Variants in TBC1D5 observed in about 807,000 individuals in gnomAD.
The protein encoded by TBC1D5 is TBC1 domain family, member 5.
In TBC1D5, 75 loss-of-function variants were observed where a neutral mutation model predicts 100.3. The observed-to-expected ratio is 0.75, with a 90% CI of 0.62 to 0.91. TBC1D5 has a LOEUF of 0.91. TBC1D5 is among the 40% of genes least tolerant of loss of function. The pLI is 0.00. For synonymous variants in TBC1D5, 323 were observed against 325.6 expected (o/e 0.99, Z 0.09); for missense variants, 910 against 942.4 (o/e 0.97, Z 0.45).
chr3:17,167,633 G>T, intron 20 of TBC1D5, 116 bp downstream of exon 21: 1 of 855,054 alleles, frequency 1.2e-6, no homozygotes, highest in Non-Finnish European at 1.9e-6. Flanking sequence ...GCTCTGTCTG[G>T]GAGGAAATGA....
At chr3:17,184,495 T>C (rs1021547653) in intron 19 of TBC1D5, 5 of 152,116 alleles carry the variant, frequency 3.3e-5, no homozygotes, top group Non-Finnish European at 4.4e-5. Context: ...GGAGTTGAGA[T>C]TTGTAGTCAG....
At chr3:17,361,080 T>G (rs565657164) in intron 13 of TBC1D5, among the ~76,000 whole-genome samples, 1 of 152,144 alleles carries the variant, frequency 6.6e-6, no homozygotes, top group South Asian at 2.1e-4. Context: ...ATATTGGAAA[T>G]CATTGGTTTC....
chr3:17,672,462 G>A (rs1379629696), intron 1 of TBC1D5: 1 of 152,094 alleles, frequency 6.6e-6, no homozygotes, highest in Non-Finnish European at 1.5e-5. Flanking sequence ...CGTTGCTGTG[G>A]CAAAATAAAC....
rs182934030 is a variant in TBC1D5 at position 17,550,554 on chromosome 3, A to C, written c.-35-41949T>G. Among the ~76,000 whole-genome samples, 298 of 152,204 alleles carry C rather than the reference A, an allele frequency of 2.0e-3. 4 individuals carry two copies. Among genetic ancestry groups the C allele is most frequent in the South Asian group, 0.019 (90 of 4,826 alleles). On this transcript the variant is annotated intron_variant, in intron 2 of 21. Transcript: ENST00000253692. ...TTAAAAACAACAACAACAACAAAAAAAAAAAACACCACAGAAGGTCTTCTT... is the reference window on the plus strand; with the variant it reads ...TTAAAAACAACAACAACAACAAAAACAAAAAACACCACAGAAGGTCTTCTT...
At chr3:17,363,460 T>A (rs950950301) in intron 13 of TBC1D5, among the ~76,000 whole-genome samples, 1 of 152,016 alleles carries the variant, frequency 6.6e-6, no homozygotes, top group Non-Finnish European at 1.5e-5. Flanking sequence ...TCCTTTTTTT[T>A]TATTTTTTTA....
At chr3:17,544,322 T>C (rs748459353) in intron 2 of TBC1D5, among the ~76,000 whole-genome samples, 8 of 152,200 alleles carry the variant, frequency 5.3e-5, no homozygotes, top group Non-Finnish European at 1.2e-4. Flanking sequence ...AATTTGATTA[T>C]CAATAATATT....
chr3:17,677,092 G>A (rs2153800970), intron 1 of TBC1D5, among the ~76,000 whole-genome samples: 1 of 152,238 alleles, frequency 6.6e-6, no homozygotes, highest in South Asian at 2.1e-4. Context: ...ATAGGCATGG[G>A]CAAGGACTTC....
chr3:17,515,465 T>A (rs551003184), intron 2 of TBC1D5, among the ~76,000 whole-genome samples: 15 of 152,270 alleles, frequency 9.9e-5, no homozygotes, highest in South Asian at 2.1e-4. Flanking sequence ...ACTATACATA[T>A]TAACTTATTT....
At chr3:17,353,090 A>G (rs892415795) in intron 13 of TBC1D5, among the ~76,000 whole-genome samples, 1 of 152,104 alleles carries the variant, frequency 6.6e-6, no homozygotes, top group Non-Finnish European at 1.5e-5. Flanking sequence ...CAACACAGAC[A>G]TATCATTATT....
At chr3:17,459,628 C>G (rs552713383) in intron 3 of TBC1D5, among the ~76,000 whole-genome samples, 12 of 152,146 alleles carry the variant, frequency 7.9e-5, no homozygotes, top group Non-Finnish European at 1.5e-4. Flanking sequence ...CTGGATGCAG[C>G]AGCGCTCACT....
At chr3:17,461,140 G>A (rs905756287) in intron 3 of TBC1D5, among the ~76,000 whole-genome samples, 1 of 152,142 alleles carries the variant, frequency 6.6e-6, no homozygotes. Flanking sequence ...CACAGTATAT[G>A]ACAAGTCAGT....
intron 13 of TBC1D5, among the ~76,000 whole-genome samples, chr3:17,344,109 A>G (rs113269126): frequency 3.9e-5 from 6 of 152,294 alleles, no homozygotes; most frequent in African/African-American, 1.4e-4. Flanking sequence ...ATTTAGTGCT[A>G]TAAATTTCCC....
chr3:17,681,133 A>C (rs947180335), intron 1 of TBC1D5, among the ~76,000 whole-genome samples: 2 of 151,662 alleles, frequency 1.3e-5, no homozygotes, highest in Non-Finnish European at 2.9e-5. Flanking sequence ...TATTACTCTT[A>C]GAACTATAGT....
intron 13 of TBC1D5, among the ~76,000 whole-genome samples, chr3:17,321,855 C>T (rs983120984): frequency 6.6e-6 from 1 of 152,198 alleles, no homozygotes; most frequent in Non-Finnish European, 1.5e-5. Flanking sequence ...TTTAAACATT[C>T]TATGGATACA....
chr3:17,706,373 A>AT, intron 1 of TBC1D5: 1 of 1,152,592 alleles, frequency 8.7e-7, no homozygotes, highest in East Asian at 2.6e-5. Context: ...AGCTAATCTA[A>AT]TAAATTCCTA....
chr3:17,699,551 A>C (rs1235655847), intron 1 of TBC1D5, among the ~76,000 whole-genome samples: 1 of 99,110 alleles, frequency 1.0e-5, no homozygotes, highest in Non-Finnish European at 2.1e-5. Context: ...AATAATAATA[A>C]ATAGATTTTT....
At position 17,423,106 on chromosome 3, in the gene TBC1D5, C is replaced by T. The variant is rs2094253745; in HGVS notation, c.167+5344G>A. On this transcript the variant is annotated intron_variant, in intron 4 of 21. Transcript: ENST00000253692. ...ATACTATACTGAGAAAGGGAGGCTA[C>T]TTTGGAAGCTCTGATAAATATCAAG... Among the ~76,000 whole-genome samples the T allele has an allele frequency of 2.6e-5, 4 of 152,190 alleles. 2 individuals carry two copies. In the South Asian group the frequency reaches 8.3e-4, roughly 31 times the overall value.
intron 14 of TBC1D5, among the ~76,000 whole-genome samples, chr3:17,301,575 A>G (rs2082840853): frequency 6.6e-6 from 1 of 152,240 alleles, no homozygotes; most frequent in African/African-American, 2.4e-5. Flanking sequence ...TCTGGTACCA[A>G]GGAAGCTCAC....
chr3:17,548,764 A>G (rs1274416006), intron 2 of TBC1D5, among the ~76,000 whole-genome samples: 1 of 152,208 alleles, frequency 6.6e-6, no homozygotes, highest in African/African-American at 2.4e-5. Context: ...TAATAAAGCC[A>G]TTCATTCATC....
Sources: allele counts gnomAD v4.1 joint callset (sites outside exome capture counted in the v4.1 genomes callset), GRCh38; gene constraint gnomAD v4.1.1; transcripts MANE v1.5; gene names NCBI Gene and HGNC (gene_info 2026-07-23, HGNC 2026-07-21).